Variants in CADPS2 observed in about 807,000 individuals in gnomAD.
CADPS2 encodes calcium dependent secretion activator 2, also known as calcium-dependent secretion activator 2.
In CADPS2, 93 loss-of-function variants were observed where a neutral mutation model predicts 172.5. That is an observed-to-expected ratio of 0.54 (90% CI 0.46 to 0.64). The LOEUF is 0.64. Ranked by LOEUF, CADPS2 falls within the 30% of genes least tolerant of loss-of-function variation. The pLI is 0.00. For synonymous variants in CADPS2, 546 were observed against 555.2 expected, an observed-to-expected ratio of 0.98 and a Z score of 0.23; for missense variants, 1,420 against 1,565.9, an observed-to-expected ratio of 0.91 and a Z score of 1.57.
chr7:122,527,617 A>AGAGAGAGAGAGTGTGTGTGT lies in CADPS2; in HGVS notation c.1476-14303_1476-14302insACACACACACTCTCTCTCTC. 1.6e-3 allele frequency among the ~76,000 whole-genome samples: 135 copies of AGAGAGAGAGAGTGTGTGTGT among 83,856 alleles called. 2 individuals carry two copies. Among genetic ancestry groups the AGAGAGAGAGAGTGTGTGTGT allele is most frequent in the Non-Finnish European group, 3.0e-3 (115 of 38,314 alleles). 55.0% of individuals were successfully genotyped at this position (83,856 alleles called of 152,430 possible). The stretch of plus-strand genomic sequence containing the variant: ...GAGAGAGAGAGAGAGAGAGAGAGAG[A>AGAGAGAGAGAGTGTGTGTGT]GTGTGTGTGTGTGTGTGTGTGTGTG... On this transcript the variant is annotated intron_variant, in intron 8 of 29. Transcript: ENST00000449022.
intron 29 of CADPS2, among the ~76,000 whole-genome samples, chr7:122,322,728 C>A (rs2032857736): frequency 6.6e-6 from 1 of 152,160 alleles, no homozygotes; most frequent in Non-Finnish European, 1.5e-5. Context: ...TTTTGTGTAA[C>A]CCTTTCTGGG....
intron 27 of CADPS2, among the ~76,000 whole-genome samples, chr7:122,348,572 C>T (rs1450340862): frequency 6.6e-6 from 1 of 152,020 alleles, no homozygotes; most frequent in Non-Finnish European, 1.5e-5. Context: ...GATCCACTTG[C>T]CTAAAAAACA....
At chr7:122,793,985 C>A (rs1023894575) in intron 1 of CADPS2, among the ~76,000 whole-genome samples, 1 of 152,120 alleles carries the variant, frequency 6.6e-6, no homozygotes, top group African/African-American at 2.4e-5. Flanking sequence ...AGGGTTTCTG[C>A]TGAGAGGTCT....
chr7:122,501,616 G>A (rs915433406), intron 9 of CADPS2, among the ~76,000 whole-genome samples: 3 of 151,964 alleles, frequency 2.0e-5, no homozygotes, highest in African/African-American at 7.2e-5. Flanking sequence ...TTGGGAGGCC[G>A]AGGCAGGCAG....
chr7:122,463,838 G>A (rs1479545563), intron 14 of CADPS2, among the ~76,000 whole-genome samples: 1 of 152,122 alleles, frequency 6.6e-6, no homozygotes, highest in African/African-American at 2.4e-5. Flanking sequence ...AATGGATGGT[G>A]GAAGTAAGAT....
In CADPS2 at chr7:122,393,316, C is replaced by T; in HGVS notation, c.2889-1G>A. On this transcript the variant is annotated splice_acceptor_variant, in intron 21 of 29. Transcript: ENST00000449022. LOFTEE classifies it high-confidence loss of function. ...ATTGGGAAGACTGTTGGCGATATTC[C>T]TGTAAAGAAACAAACAACGTGGGAA... The T allele has an allele frequency of 6.2e-7, 1 of 1,613,764 alleles. No individual in the cohort carries two copies. The highest frequency in any genetic ancestry group is 8.5e-7 in the Non-Finnish European group (1 of 1,179,758).
chr7:122,650,349 T>A (rs2079030139), intron 3 of CADPS2, among the ~76,000 whole-genome samples: 2 of 152,104 alleles, frequency 1.3e-5, no homozygotes, highest in South Asian at 4.1e-4. Flanking sequence ...ACCCATATAA[T>A]CCTTTCTTAT....
intron 1 of CADPS2, among the ~76,000 whole-genome samples, chr7:122,870,669 G>A (rs1819528941): frequency 6.6e-6 from 1 of 151,996 alleles, no homozygotes; most frequent in South Asian, 2.1e-4. Flanking sequence ...GTGAGGTGAT[G>A]GATATGTTAA....
chr7:122,492,737 T>C (rs2058407019), intron 9 of CADPS2, among the ~76,000 whole-genome samples: 1 of 152,108 alleles, frequency 6.6e-6, no homozygotes, highest in Non-Finnish European at 1.5e-5. Context: ...TCTCACATCG[T>C]CACCCAGGCT....
chr7:122,425,266 C>G (rs918925394), intron 17 of CADPS2, among the ~76,000 whole-genome samples: 1 of 151,856 alleles, frequency 6.6e-6, no homozygotes, highest in South Asian at 2.1e-4. Context: ...CATTCGTGAG[C>G]CACCATACTC....
At chr7:122,610,052 A>G (rs1281558532) in intron 6 of CADPS2, among the ~76,000 whole-genome samples, 1 of 152,112 alleles carries the variant, frequency 6.6e-6, no homozygotes, top group African/African-American at 2.4e-5. Flanking sequence ...CTCTTAATTT[A>G]TTTAAAAAGT....
At chr7:122,354,417 G>A (rs1057042709) in intron 27 of CADPS2, 1 of 152,122 alleles carries the variant, frequency 6.6e-6, no homozygotes, top group African/African-American at 2.4e-5. Flanking sequence ...TCCTCAGCCT[G>A]TAAGTAACCC....
At chr7:122,326,700 C>T (rs759202860) in intron 28 of CADPS2, among the ~76,000 whole-genome samples, 29 of 151,948 alleles carry the variant, frequency 1.9e-4, no homozygotes, top group Non-Finnish European at 3.7e-4. Flanking sequence ...ATTTTCTCTA[C>T]ATAATAAAAC....
intron 2 of CADPS2, among the ~76,000 whole-genome samples, chr7:122,720,283 C>T (rs889495643): frequency 2.6e-5 from 4 of 151,844 alleles, no homozygotes; most frequent in African/African-American, 4.8e-5. Flanking sequence ...TGAGAGGACA[C>T]GCAAAACATA....
At chr7:122,498,122 A>AT (rs2058901106) in intron 9 of CADPS2, among the ~76,000 whole-genome samples, 1 of 152,056 alleles carries the variant, frequency 6.6e-6, no homozygotes, top group Admixed American at 6.6e-5. Flanking sequence ...TAATTTTTGT[A>AT]TTTTTAATAG....
chr7:122,623,817 A>C (rs189718030), intron 4 of CADPS2, among the ~76,000 whole-genome samples: 1 of 152,344 alleles, frequency 6.6e-6, no homozygotes, highest in East Asian at 1.9e-4. Flanking sequence ...TTAACAAAGA[A>C]AAAGGCGAGC....
rs760271229 is a variant in CADPS2 at position 122,621,496 on chromosome 7, C to T, written c.1089G>A (p.Leu363=). ...AGCTACTTACCTCTAAGGTGAATGACAGTACCACGTCGGACTTTGACAGCT... is the reference window on the plus strand; with the variant it reads ...AGCTACTTACCTCTAAGGTGAATGATAGTACCACGTCGGACTTTGACAGCT... The part of the protein sequence containing the change: ...EIQLSKSDVV[L]SFTLEIVIME... Residue 363 remains leucine (L), a synonymous_variant, in exon 5 of 30, where the codon CTG becomes CTA. Transcript: ENST00000449022. 6.2e-7 allele frequency: 1 copy of T among 1,611,372 alleles called. No homozygotes were observed. The highest frequency in any genetic ancestry group is 1.7e-5 in the Admixed American group (1 of 59,958).
rs575616687 is a variant in CADPS2 at position 122,773,294 on chromosome 7, C to T, written c.340-36226G>A. Among the ~76,000 whole-genome samples, 3 of 151,978 alleles carry T rather than the reference C, an allele frequency of 2.0e-5. No homozygotes were observed. The East Asian group carries it at 5.8e-4, about 29-fold the overall frequency. On this transcript the variant is annotated intron_variant, in intron 1 of 29. Coordinates refer to ENST00000449022, the MANE Select transcript of CADPS2 (RefSeq NM_017954.11). ...TTCTGAAAAACCCCTTAGCCTAAGG[C>T]CTAAAGACTGTTTATACTACTTAAA...
rs980586725 is a variant in CADPS2, at chr7:122,886,360, T to A, written c.-23A>T. On this transcript the variant is annotated 5_prime_UTR_variant, in exon 1 of 30. Transcript: ENST00000449022. ...CATGGTGCTCGGGGATCCCCGCCGCTCGGCCCGCGGTCCCCAAGCGCCTCA... is the reference window on the plus strand; with the variant it reads ...CATGGTGCTCGGGGATCCCCGCCGCACGGCCCGCGGTCCCCAAGCGCCTCA... 4.1e-5 allele frequency: 61 copies of A among 1,488,430 alleles called. No individual in the cohort carries two copies. Among genetic ancestry groups the A allele is most frequent in the Non-Finnish European group, 5.1e-5 (58 of 1,128,076 alleles). 92.2% of individuals were successfully genotyped at this position (1,488,430 alleles called of 1,614,324 possible). A position where few individuals can be genotyped will look rare whatever the true frequency, so the allele number is the denominator to read the frequency against.
Sources: gnomAD v4.1 joint callset for allele counts (sites outside exome capture counted in the v4.1 genomes callset) on GRCh38, gnomAD v4.1.1 for gene constraint, MANE v1.5 for transcripts, NCBI Gene and HGNC (gene_info 2026-07-23, HGNC 2026-07-21) for gene names.